The following MAPK10 variants were observed in gnomAD, a reference collection of about 807,000 sequenced individuals.
MAPK10 encodes JNK3 alpha protein kinase.
In MAPK10, 25 loss-of-function variants were observed where a neutral mutation model predicts 59.3. The ratio of observed to expected loss-of-function variants is 0.42; its 90% CI spans 0.31 to 0.59. The LOEUF is 0.59. Among genes scored for constraint, MAPK10 ranks in the 20% least tolerant of loss-of-function variants. The probability of loss-of-function intolerance (pLI) is 0.15; values close to 1 mark genes in which losing one functional copy is unlikely to be tolerated. For synonymous variants in MAPK10, 190 were observed against 200.5 expected, an observed-to-expected ratio of 0.95 and a Z score of 0.44; for missense variants, 351 against 568.9, an observed-to-expected ratio of 0.62 and a Z score of 3.90.
At chr4:86,116,957 A>C (rs918658358) in intron 4 of MAPK10, among the ~76,000 whole-genome samples, 1 of 152,234 alleles carries the variant, frequency 6.6e-6, no homozygotes, top group Non-Finnish European at 1.5e-5. Flanking sequence ...CAGCATAGGC[A>C]ACAATTGGAC....
chr4:86,407,861 A>T (rs539929489), intron 1 of MAPK10, among the ~76,000 whole-genome samples: 1 of 152,126 alleles, frequency 6.6e-6, no homozygotes, highest in African/African-American at 2.4e-5. Context: ...ATTTTTTAAA[A>T]ATCTGGCCAT....
At chr4:86,379,517 C>A (rs767086677) in intron 1 of MAPK10, among the ~76,000 whole-genome samples, 4 of 152,126 alleles carry the variant, frequency 2.6e-5, no homozygotes, top group Non-Finnish European at 4.4e-5. Context: ...ATGACGCCCA[C>A]GCTGGAAGGT....
intron 2 of MAPK10, among the ~76,000 whole-genome samples, chr4:86,337,876 C>T (rs1270486967): frequency 6.6e-6 from 1 of 152,150 alleles, no homozygotes; most frequent in Non-Finnish European, 1.5e-5. Context: ...ATCAGATATG[C>T]TCTTACAATA....
intron 1 of MAPK10, among the ~76,000 whole-genome samples, chr4:86,515,311 T>C (rs1050318214): frequency 6.6e-6 from 1 of 152,206 alleles, no homozygotes; most frequent in Non-Finnish European, 1.5e-5. Context: ...TGCAAGTGAC[T>C]TTTTCATATA....
At chr4:86,278,060 T>C (rs1049794166) in intron 2 of MAPK10, among the ~76,000 whole-genome samples, 1 of 152,092 alleles carries the variant, frequency 6.6e-6, no homozygotes, top group Non-Finnish European at 1.5e-5. Context: ...ACAGGGACAA[T>C]TGCTAAAGGG....
Position 86,114,752 on chromosome 4 carries a change from C to A in MAPK10, c.237-7400G>T, listed in dbSNP as rs544776204. 4.1e-4 allele frequency among the ~76,000 whole-genome samples: 62 copies of A among 152,356 alleles called. No homozygotes were observed. The South Asian group carries it at 6.6e-3, about 16-fold the overall frequency. ...CTGGGGAGAATCCCCCTCATCTGGACTGCCAGCAGGCAGGAAAGACTAGGT... is the reference window on the plus strand; with the variant it reads ...CTGGGGAGAATCCCCCTCATCTGGAATGCCAGCAGGCAGGAAAGACTAGGT... On this transcript the variant is annotated intron_variant, in intron 4 of 13. Coordinates refer to ENST00000641462, the MANE Select transcript of MAPK10 (RefSeq NM_138982.4).
At chr4:86,353,078 AG>A (rs1732431827) in intron 2 of MAPK10, among the ~76,000 whole-genome samples, 1 of 152,144 alleles carries the variant, frequency 6.6e-6, no homozygotes, top group Admixed American at 6.5e-5. Context: ...TGTGCTTAAT[AG>A]TCCACCAAAA....
rs553245844 is a variant in MAPK10 at position 86,036,813 on chromosome 4, T to TA, written c.1111-5383dup. On this transcript the variant is annotated intron_variant, in intron 11 of 13. Transcript: ENST00000641462. ...TGTCCTTGTAATTATTAGTAGCACT[T>TA]ACGCCCTTCGCTCCTTTAAGTGTTG... Among the ~76,000 whole-genome samples the TA allele has an allele frequency of 1.3e-3, 199 of 152,334 alleles. 1 individual carries two copies. Among genetic ancestry groups the TA allele is most frequent in the African/African-American group, 4.7e-3 (194 of 41,572 alleles).
At chr4:86,160,347 A>T (rs2069171339) in intron 3 of MAPK10, 2 of 151,980 alleles carry the variant, frequency 1.3e-5, no homozygotes, top group Admixed American at 1.3e-4. Context: ...CATCTAGCCC[A>T]TTCCTGTGGC....
intron 1 of MAPK10, among the ~76,000 whole-genome samples, chr4:86,494,107 C>A (rs959594396): frequency 1.4e-4 from 21 of 152,198 alleles, no homozygotes; most frequent in African/African-American, 4.8e-4. Flanking sequence ...TTTCCAAGTT[C>A]TCTGGCTTCT....
At chr4:86,593,747 T>C (rs1654010788) in intron 1 of MAPK10, 1 of 152,192 alleles carries the variant, frequency 6.6e-6, no homozygotes, top group Non-Finnish European at 1.5e-5. Flanking sequence ...CTTTTTTCGT[T>C]GACCCCGCCA....
intron 3 of MAPK10, among the ~76,000 whole-genome samples, chr4:86,183,821 T>C (rs1287031641): frequency 6.6e-6 from 1 of 152,238 alleles, no homozygotes; most frequent in Non-Finnish European, 1.5e-5. Flanking sequence ...GACTTTTTAA[T>C]GATCGCCATT....
intron 2 of MAPK10, among the ~76,000 whole-genome samples, chr4:86,257,762 C>T (rs1424724417): frequency 6.6e-6 from 1 of 152,180 alleles, no homozygotes; most frequent in African/African-American, 2.4e-5. Context: ...ACCACATCCT[C>T]TTATATCAGT....
intron 1 of MAPK10, among the ~76,000 whole-genome samples, chr4:86,505,182 A>C (rs966603801): frequency 2.0e-5 from 3 of 152,138 alleles, no homozygotes; most frequent in Non-Finnish European, 4.4e-5. Flanking sequence ...GTGCTTCAGC[A>C]ATTTAATACA....
chr4:86,172,136 G>C (rs1359378567), intron 3 of MAPK10, among the ~76,000 whole-genome samples: 13,012 of 116,160 alleles, frequency 0.11, 1,409 homozygotes, highest in African/African-American at 0.25. Flanking sequence ...GGACTGTAAA[G>C]TAGTTCAGCC....
At chr4:86,345,701 A>C (rs1727726794) in intron 2 of MAPK10, among the ~76,000 whole-genome samples, 1 of 152,164 alleles carries the variant, frequency 6.6e-6, no homozygotes, top group Non-Finnish European at 1.5e-5. Context: ...TCTGCTCTAG[A>C]CCATTCTTGA....
chr4:86,071,746 T>C (rs2048031343), intron 9 of MAPK10, among the ~76,000 whole-genome samples: 3 of 151,138 alleles, frequency 2.0e-5, no homozygotes, highest in South Asian at 4.2e-4. Flanking sequence ...GTTCCATTGA[T>C]CTATATCTCT....
intron 4 of MAPK10, among the ~76,000 whole-genome samples, chr4:86,134,769 G>A (rs2061598001): frequency 6.6e-6 from 1 of 152,320 alleles, no homozygotes; most frequent in South Asian, 2.1e-4. Flanking sequence ...TCCATCTGAG[G>A]TACCAGGTTC....
At chr4:86,525,401 T>C (rs1319780856) in intron 1 of MAPK10, among the ~76,000 whole-genome samples, 1 of 152,214 alleles carries the variant, frequency 6.6e-6, no homozygotes, top group Non-Finnish European at 1.5e-5. Context: ...CCCAGGTTTG[T>C]ATTCACGTTA....
Sources: allele counts gnomAD v4.1 joint callset (sites outside exome capture counted in the v4.1 genomes callset), GRCh38; gene constraint gnomAD v4.1.1; transcripts MANE v1.5; gene names NCBI Gene and HGNC (gene_info 2026-07-23, HGNC 2026-07-21).